MACROD2: variants seen among roughly 807,000 people sequenced by gnomAD.
MACROD2 encodes ADP-ribose glycohydrolase MACROD2.
In MACROD2, 36 loss-of-function variants were observed where a neutral mutation model predicts 70.4. That is an observed-to-expected ratio of 0.51 (90% CI 0.39 to 0.68). The LOEUF is 0.68. MACROD2 is among the 30% of genes least tolerant of loss of function. MACROD2 has a pLI of 0.00. For missense variants in MACROD2, 496 were observed against 538.4 expected (o/e 0.92, Z 0.78); for synonymous variants, 172 against 178.8 (o/e 0.96, Z 0.30).
chr20:16,010,678 T>C (rs2147525943), intron 15 of MACROD2, among the ~76,000 whole-genome samples: 2 of 152,282 alleles, frequency 1.3e-5, no homozygotes, highest in Middle Eastern at 3.4e-3. Context: ...TTCCAGTCTT[T>C]GGGATCCTTC....
intron 6 of MACROD2, among the ~76,000 whole-genome samples, chr20:15,237,415 T>G (rs544234489): frequency 2.0e-5 from 3 of 152,220 alleles, no homozygotes; most frequent in Non-Finnish European, 4.4e-5. Context: ...CGTGTTCTAG[T>G]GTATTCATGC....
intron 5 of MACROD2, among the ~76,000 whole-genome samples, chr20:15,014,709 A>G (rs1005290066): frequency 2.0e-5 from 3 of 152,162 alleles, no homozygotes; most frequent in African/African-American, 7.2e-5. Flanking sequence ...CACACATTCC[A>G]TATTGCTTCT....
intron 3 of MACROD2, among the ~76,000 whole-genome samples, chr20:14,289,252 A>G (rs1259127925): frequency 6.6e-6 from 1 of 152,190 alleles, no homozygotes; most frequent in Non-Finnish European, 1.5e-5. Flanking sequence ...TTGGAATGCT[A>G]AAGTGATTCA....
intron 5 of MACROD2, among the ~76,000 whole-genome samples, chr20:15,183,882 C>T (rs572377863): frequency 5.6e-4 from 85 of 152,222 alleles, no homozygotes; most frequent in Non-Finnish European, 9.7e-4. Context: ...AATAAACACA[C>T]AGTCACTGCA....
chr20:15,139,384 T>TG (rs934072005), intron 5 of MACROD2, among the ~76,000 whole-genome samples: 3 of 152,008 alleles, frequency 2.0e-5, no homozygotes, highest in African/African-American at 7.2e-5. Context: ...TGTTTTATGG[T>TG]GGGGGGGTGT....
chr20:14,499,479 G>A (rs2084892638), intron 4 of MACROD2, among the ~76,000 whole-genome samples: 1 of 152,016 alleles, frequency 6.6e-6, no homozygotes, highest in Non-Finnish European at 1.5e-5. Flanking sequence ...GCTGCAGTGA[G>A]CCGTGATCAC....
chr20:15,636,686 C>T (rs1195664887), intron 8 of MACROD2, among the ~76,000 whole-genome samples: 2 of 152,062 alleles, frequency 1.3e-5, no homozygotes, highest in African/African-American at 4.8e-5. Context: ...GCAGAAAGTG[C>T]TCTATTATTT....
chr20:15,351,838 C>A (rs1398601951), intron 6 of MACROD2, among the ~76,000 whole-genome samples: 5 of 152,150 alleles, frequency 3.3e-5, no homozygotes, highest in Non-Finnish European at 7.4e-5. Flanking sequence ...TTTTTTTAGG[C>A]CAATTCCACA....
chr20:14,223,931 G>C (rs1015244802), intron 3 of MACROD2, among the ~76,000 whole-genome samples: 11 of 152,046 alleles, frequency 7.2e-5, no homozygotes, highest in Non-Finnish European at 1.6e-4. Flanking sequence ...AAATCTTCAG[G>C]GTGGGCCAGC....
intron 3 of MACROD2, among the ~76,000 whole-genome samples, chr20:14,425,510 A>T (rs1568606447): frequency 6.6e-6 from 1 of 152,236 alleles, no homozygotes; most frequent in African/African-American, 2.4e-5. Flanking sequence ...CTTGGAGTTA[A>T]TAATAGCATT....
At chr20:14,723,682 T>G (rs2071495631) in intron 5 of MACROD2, among the ~76,000 whole-genome samples, 1 of 151,662 alleles carries the variant, frequency 6.6e-6, no homozygotes, top group African/African-American at 2.4e-5. Context: ...CTCATGTACA[T>G]TTGGTGGTAC....
At chr20:14,875,059 G>C (rs923327036) in intron 5 of MACROD2, among the ~76,000 whole-genome samples, 1 of 151,818 alleles carries the variant, frequency 6.6e-6, no homozygotes, top group Non-Finnish European at 1.5e-5. Context: ...GAGATATATT[G>C]ACTTTGTGTG....
At chr20:14,272,119 A>G (rs193178323) in intron 3 of MACROD2, among the ~76,000 whole-genome samples, 5 of 152,284 alleles carry the variant, frequency 3.3e-5, no homozygotes, top group Admixed American at 2.6e-4. Flanking sequence ...GCAGGCCAAC[A>G]TTCAGATTCA....
chr20:14,918,371 A>G (rs1251956659), intron 5 of MACROD2, among the ~76,000 whole-genome samples: 3 of 152,186 alleles, frequency 2.0e-5, no homozygotes, highest in Non-Finnish European at 4.4e-5. Flanking sequence ...AGAGATAGGA[A>G]GTAGCTGCTA....
chr20:15,128,882 T>C (rs2076085388), intron 5 of MACROD2, among the ~76,000 whole-genome samples: 1 of 151,970 alleles, frequency 6.6e-6, no homozygotes, highest in Non-Finnish European at 1.5e-5. Context: ...GCTATGTCAT[T>C]GAAAAGTGCT....
At chr20:14,677,289 C>A (rs2070873480) in intron 4 of MACROD2, among the ~76,000 whole-genome samples, 2 of 152,262 alleles carry the variant, frequency 1.3e-5, no homozygotes, top group Non-Finnish European at 2.9e-5. Flanking sequence ...ATAATAACAT[C>A]TTCAAACTCT....
chr20:14,974,648 C>T (rs2074722093), intron 5 of MACROD2, among the ~76,000 whole-genome samples: 1 of 151,738 alleles, frequency 6.6e-6, no homozygotes, highest in South Asian at 2.1e-4. Flanking sequence ...GAAGTGACCT[C>T]TAGTGAAGTA....
intron 15 of MACROD2, among the ~76,000 whole-genome samples, chr20:16,038,869 A>G (rs1031255793): frequency 2.6e-5 from 4 of 151,980 alleles, no homozygotes; most frequent in Non-Finnish European, 1.5e-5. Flanking sequence ...ACAGCAGAGC[A>G]CTATAATTCA....
intron 7 of MACROD2, among the ~76,000 whole-genome samples, chr20:15,495,689 G>T (rs578196410): frequency 6.1e-4 from 93 of 152,310 alleles, no homozygotes; most frequent in South Asian, 4.4e-3. Flanking sequence ...CCAGTGATAA[G>T]CAAAGACAGA....
Sources: gnomAD v4.1 joint callset for allele counts (sites outside exome capture counted in the v4.1 genomes callset) on GRCh38, gnomAD v4.1.1 for gene constraint, MANE v1.5 for transcripts, NCBI Gene and HGNC (gene_info 2026-07-23, HGNC 2026-07-21) for gene names.